The following RPS6KA5 variants were observed in gnomAD, a reference collection of about 807,000 sequenced individuals.
The protein encoded by RPS6KA5 is ribosomal protein S6 kinase alpha-5.
RPS6KA5 carries 27 observed loss-of-function variants against 85.5 expected under a neutral mutation model. The observed-to-expected ratio is 0.32, with a 90% confidence interval of 0.23 to 0.44. The LOEUF is 0.44. Among genes scored for constraint, RPS6KA5 ranks in the 20% least tolerant of loss-of-function variants. The probability of loss-of-function intolerance (pLI) is 1.00; values close to 1 mark genes in which losing one functional copy is unlikely to be tolerated. For missense variants in RPS6KA5, 811 were observed against 980.9 expected (o/e 0.83, Z 2.31); for synonymous variants, 334 against 348.2 (o/e 0.96, Z 0.46).
chr14:90,872,456 T>A, intron 16 of RPS6KA5, 134 bp from the exon 17 acceptor site: 1 of 1,133,062 alleles, frequency 8.8e-7, no homozygotes, highest in Non-Finnish European at 1.2e-6. Context: ...ACAAAGCTCT[T>A]AAAACCTTTA....
At chr14:90,891,119 T>C (rs538465496) in intron 13 of RPS6KA5, among the ~76,000 whole-genome samples, 1 of 152,036 alleles carries the variant, frequency 6.6e-6, no homozygotes. Flanking sequence ...TAGCTTAATG[T>C]CTTCATCCCC....
intron 4 of RPS6KA5, among the ~76,000 whole-genome samples, chr14:90,946,929 G>A (rs1270343821): frequency 1.3e-5 from 2 of 152,162 alleles, no homozygotes; most frequent in Non-Finnish European, 2.9e-5. Flanking sequence ...CCTACCTGGG[G>A]ACAATGGAGG....
chr14:91,044,390 AAGGAAAG>A (rs2139908744), intron 1 of RPS6KA5, among the ~76,000 whole-genome samples: 1 of 16,678 alleles, frequency 6.0e-5, no homozygotes, highest in African/African-American at 2.0e-4. Flanking sequence ...AGAAAGAAAG[AAGGAAAG>A]AAAGAAAGAA....
intron 13 of RPS6KA5, 41 bp from the exon 14 acceptor site, chr14:90,890,719 T>A (rs1378741220): frequency 1.3e-6 from 2 of 1,539,270 alleles, no homozygotes; most frequent in Non-Finnish European, 1.8e-6. Context: ...TCACTAGGCA[T>A]GTCTTGGGAA....
Position 90,910,358 on chromosome 14 carries a change from A to G in RPS6KA5, c.807-4059T>C, listed in dbSNP as rs1433886163. Among the ~76,000 whole-genome samples the G allele has an allele frequency of 5.3e-5, 8 of 152,182 alleles. No homozygotes were observed. In the East Asian group the frequency reaches 1.5e-3, roughly 29 times the overall value. On this transcript the variant is annotated intron_variant, in intron 7 of 16. Transcript: ENST00000614987. ...GCAAAAGGAAATCACAAGTGTACAGAATAAAGGGTAGACACCAAAATTAAA... is the reference window on the plus strand; with the variant it reads ...GCAAAAGGAAATCACAAGTGTACAGGATAAAGGGTAGACACCAAAATTAAA...
chr14:91,046,174 A>C (rs2042863458), intron 1 of RPS6KA5, among the ~76,000 whole-genome samples: 2 of 152,186 alleles, frequency 1.3e-5, no homozygotes, highest in South Asian at 4.1e-4. Flanking sequence ...TCTCTCTCTT[A>C]GGTATTATAC....
chr14:90,933,290 G>A (rs1223121010), intron 5 of RPS6KA5, among the ~76,000 whole-genome samples: 1 of 152,060 alleles, frequency 6.6e-6, no homozygotes, highest in Non-Finnish European at 1.5e-5. Context: ...TCTCTGCTGT[G>A]TGTCTAATAA....
At chr14:90,883,126 T>C (rs1401590303) in intron 14 of RPS6KA5, among the ~76,000 whole-genome samples, 1 of 152,210 alleles carries the variant, frequency 6.6e-6, no homozygotes, top group Non-Finnish European at 1.5e-5. Context: ...TTAGTCTTAC[T>C]TGAATTTTGT....
chr14:90,890,767 AGTT>A (rs1194240504), intron 13 of RPS6KA5, 89 bp from the exon 14 acceptor site: 3 of 1,214,404 alleles, frequency 2.5e-6, no homozygotes, highest in Non-Finnish European at 3.5e-6. Flanking sequence ...GTATATTGAT[AGTT>A]GATTCATGTG....
At chr14:90,909,046 T>C (rs1021232615) in intron 7 of RPS6KA5, among the ~76,000 whole-genome samples, 1 of 152,362 alleles carries the variant, frequency 6.6e-6, no homozygotes, top group South Asian at 2.1e-4. Flanking sequence ...TGCATCCTTA[T>C]ATAAAGCTAA....
At chr14:90,906,917 A>AAGGGGC (rs1458242699) in intron 7 of RPS6KA5, among the ~76,000 whole-genome samples, 2 of 152,182 alleles carry the variant, frequency 1.3e-5, no homozygotes, top group Non-Finnish European at 2.9e-5. Context: ...TTGCTGCTAT[A>AAGGGGC]AAACAGCCAG....
At chr14:90,962,779 C>T (rs529969945) in intron 3 of RPS6KA5, among the ~76,000 whole-genome samples, 2 of 152,278 alleles carry the variant, frequency 1.3e-5, no homozygotes, top group East Asian at 3.9e-4. Flanking sequence ...TAATTGTTTA[C>T]ATTTTGTTTA....
chr14:91,000,758 C>T (rs890233819), intron 2 of RPS6KA5, among the ~76,000 whole-genome samples: 15 of 151,998 alleles, frequency 9.9e-5, no homozygotes, highest in Admixed American at 6.6e-4. Context: ...GCTGAGATCA[C>T]GCCACCACAC....
chr14:90,879,957 T>A (rs1301358966), intron 14 of RPS6KA5, among the ~76,000 whole-genome samples: 1 of 151,932 alleles, frequency 6.6e-6, no homozygotes, highest in Non-Finnish European at 1.5e-5. Flanking sequence ...CTAACTTTTG[T>A]GTTTTTAGTA....
intron 1 of RPS6KA5, among the ~76,000 whole-genome samples, chr14:91,049,430 C>T (rs887836100): frequency 3.9e-5 from 6 of 151,948 alleles, no homozygotes; most frequent in Admixed American, 6.6e-5. Context: ...CTGGCTAACA[C>T]GGTGAAACCC....
chr14:90,993,521 A>G (rs1351387557), intron 2 of RPS6KA5, among the ~76,000 whole-genome samples: 1 of 152,222 alleles, frequency 6.6e-6, no homozygotes, highest in Admixed American at 6.5e-5. Flanking sequence ...ACACTTAGGG[A>G]AAACAGTTTT....
chr14:91,007,236 T>C (rs918038907), intron 1 of RPS6KA5, among the ~76,000 whole-genome samples: 6 of 152,066 alleles, frequency 3.9e-5, no homozygotes, highest in African/African-American at 1.2e-4. Context: ...CTCCTTCCCA[T>C]AGAAAGAATG....
intron 2 of RPS6KA5, among the ~76,000 whole-genome samples, chr14:90,991,059 A>G (rs1376724183): frequency 6.6e-6 from 1 of 152,186 alleles, no homozygotes; most frequent in Non-Finnish European, 1.5e-5. Flanking sequence ...GAAAGTAGGC[A>G]GAATATCAGG....
intron 2 of RPS6KA5, among the ~76,000 whole-genome samples, chr14:90,989,279 C>G (rs2040201161): frequency 1.3e-5 from 2 of 152,074 alleles, no homozygotes; most frequent in Non-Finnish European, 2.9e-5. Context: ...TCAAGAAACT[C>G]AAGTAAACAA....
Sources: gnomAD v4.1 joint callset for allele counts (sites outside exome capture counted in the v4.1 genomes callset) on GRCh38, gnomAD v4.1.1 for gene constraint, MANE v1.5 for transcripts, NCBI Gene and HGNC (gene_info 2026-07-23, HGNC 2026-07-21) for gene names.